The following CSMD3 variants were observed in gnomAD, a reference collection of about 807,000 sequenced individuals.
The protein encoded by CSMD3 is CUB and sushi domain-containing protein 3.
CSMD3 carries 177 observed loss-of-function variants against 435.2 expected under a neutral mutation model. That is an observed-to-expected ratio of 0.41 (90% CI 0.36 to 0.46). The LOEUF (loss-of-function observed/expected upper bound fraction) is 0.46. CSMD3 is among the 20% of genes least tolerant of loss of function. CSMD3 has a pLI of 0.34. For synonymous variants in CSMD3, 1,656 were observed against 1,520.5 expected (o/e 1.09, Z -2.07); for missense variants, 4,265 against 4,504.6 (o/e 0.95, Z 1.52).
At chr8:112,859,384 TA>T (rs1425350572) in intron 10 of CSMD3, 118 bp from the exon 11 acceptor site, 3 of 850,876 alleles carry the variant, frequency 3.5e-6, no homozygotes, top group Non-Finnish European at 5.8e-6. Flanking sequence ...CACATTGAAA[TA>T]TATATTATGG....
At chr8:113,031,531 T>C (rs1300544737) in intron 5 of CSMD3, among the ~76,000 whole-genome samples, 1 of 151,494 alleles carries the variant, frequency 6.6e-6, no homozygotes, top group Admixed American at 6.6e-5. Flanking sequence ...AGGTGGGAAA[T>C]AGCTGTTCCT....
chr8:112,744,756 A>C (rs1035447099), intron 13 of CSMD3, among the ~76,000 whole-genome samples: 18 of 152,178 alleles, frequency 1.2e-4, no homozygotes, highest in Non-Finnish European at 2.5e-4. Flanking sequence ...AAAGTCAGCT[A>C]AACAAGAAAT....
chr8:112,603,633 C>T (rs1371586165), intron 22 of CSMD3, among the ~76,000 whole-genome samples: 1 of 152,048 alleles, frequency 6.6e-6, no homozygotes, highest in African/African-American at 2.4e-5. Flanking sequence ...GATTTGTGGA[C>T]ATTTTATGGT....
At position 112,248,637 on chromosome 8, in the gene CSMD3, C is replaced by T. The variant is rs181423914; in HGVS notation, c.10111-1506G>A. ...TCTGCCTTCCCCTTAATTCCTACCC[C>T]CTCTTGAGCGGACAATAAGAAGCTA... On this transcript the variant is annotated intron_variant, in intron 63 of 70. Transcript: ENST00000297405. Among the ~76,000 whole-genome samples the T allele has an allele frequency of 3.0e-4, 45 of 152,178 alleles. No homozygotes were observed. In the South Asian group the frequency reaches 5.6e-3, roughly 19 times the overall value.
intron 1 of CSMD3, among the ~76,000 whole-genome samples, chr8:113,317,511 G>GA (rs2093919185): frequency 6.6e-6 from 1 of 152,106 alleles, no homozygotes; most frequent in Non-Finnish European, 1.5e-5. Context: ...GACAAATTAG[G>GA]AATTACACCT....
At chr8:112,893,794 T>C (rs2081870516) in intron 10 of CSMD3, among the ~76,000 whole-genome samples, 1 of 151,492 alleles carries the variant, frequency 6.6e-6, no homozygotes, top group Non-Finnish European at 1.5e-5. Context: ...CTGATGGTAA[T>C]TATTGCTTTC....
intron 8 of CSMD3, among the ~76,000 whole-genome samples, chr8:112,948,300 G>A (rs1183860885): frequency 1.3e-5 from 2 of 151,958 alleles, no homozygotes; most frequent in East Asian, 1.9e-4. Flanking sequence ...TAAAAAATAC[G>A]ACTTTATGAA....
At chr8:112,622,631 T>TTTAAGTTCA (rs1834164999) in intron 22 of CSMD3, among the ~76,000 whole-genome samples, 3 of 152,136 alleles carry the variant, frequency 2.0e-5, no homozygotes, top group Admixed American at 1.3e-4. Flanking sequence ...AAAGAATGAA[T>TTTAAGTTCA]TTAAGTTCAT....
chr8:113,401,636 G>A lies in CSMD3; in HGVS notation c.178+35041C>T, dbSNP rs562674107. Among the ~76,000 whole-genome samples the A allele has an allele frequency of 2.6e-4, 40 of 151,594 alleles. 3 individuals are homozygous for A. In the South Asian group the frequency reaches 7.9e-3, roughly 30 times the overall value. The stretch of plus-strand genomic sequence containing the variant: ...AGATATTTACTTTTATGCTTCCAAA[G>A]TTCTAGTAAAATAAAATTTTTAGAT... On this transcript the variant is annotated intron_variant, in intron 1 of 70. Coordinates refer to ENST00000297405, the MANE Select transcript of CSMD3 (RefSeq NM_198123.2).
intron 11 of CSMD3, among the ~76,000 whole-genome samples, chr8:112,838,570 C>T (rs1283027378): frequency 6.6e-6 from 1 of 151,390 alleles, no homozygotes; most frequent in Non-Finnish European, 1.5e-5. Context: ...TTTTTTTTCC[C>T]TTTTTTTCCA....
At chr8:113,075,885 T>C (rs2089315083) in intron 5 of CSMD3, among the ~76,000 whole-genome samples, 1 of 151,808 alleles carries the variant, frequency 6.6e-6, no homozygotes, top group Admixed American at 6.6e-5. Flanking sequence ...AAAAATATTC[T>C]ATTGGCAACA....
At chr8:112,405,242 T>TACAC (rs1392039323) in intron 35 of CSMD3, among the ~76,000 whole-genome samples, 1 of 95,054 alleles carries the variant, frequency 1.1e-5, no homozygotes, top group African/African-American at 4.8e-5. Context: ...TATATATATA[T>TACAC]ATATACATAT....
intron 27 of CSMD3, among the ~76,000 whole-genome samples, chr8:112,542,237 C>T (rs1472079873): frequency 6.7e-6 from 1 of 149,132 alleles, no homozygotes; most frequent in Non-Finnish European, 1.5e-5. Context: ...ACTTTTCCTC[C>T]AAGATCAGGA....
At chr8:113,080,712 T>C (rs2089528594) in intron 5 of CSMD3, among the ~76,000 whole-genome samples, 1 of 152,194 alleles carries the variant, frequency 6.6e-6, no homozygotes, top group African/African-American at 2.4e-5. Context: ...GAAGGCTTAT[T>C]TCCCTAGGTG....
intron 2 of CSMD3, among the ~76,000 whole-genome samples, chr8:113,297,850 A>T (rs973635197): frequency 1.3e-5 from 2 of 152,126 alleles, no homozygotes; most frequent in African/African-American, 4.8e-5. Flanking sequence ...TTTATGTAAC[A>T]TGCACCTGAC....
chr8:113,101,133 G>A (rs952708011), intron 4 of CSMD3, among the ~76,000 whole-genome samples: 9 of 152,100 alleles, frequency 5.9e-5, no homozygotes, highest in African/African-American at 1.7e-4. Context: ...TTCACTCATA[G>A]GCCCTTTCAT....
chr8:113,048,832 A>G (rs1247476716), intron 5 of CSMD3, among the ~76,000 whole-genome samples: 2 of 152,138 alleles, frequency 1.3e-5, no homozygotes. Flanking sequence ...TGAATAAGCA[A>G]ACTCAGTTAC....
At chr8:112,579,799 C>T (rs1830212785) in intron 23 of CSMD3, among the ~76,000 whole-genome samples, 9 of 151,888 alleles carry the variant, frequency 5.9e-5, no homozygotes, top group Admixed American at 5.9e-4. Flanking sequence ...TAATCAAGTC[C>T]TTTGAGTATC....
intron 2 of CSMD3, among the ~76,000 whole-genome samples, chr8:113,302,183 T>C (rs923375487): frequency 2.1e-5 from 3 of 144,992 alleles, no homozygotes; most frequent in Admixed American, 7.1e-5. Context: ...GAAACAGATA[T>C]CAATACTTTT....
Sources: gnomAD v4.1 joint callset for allele counts (sites outside exome capture counted in the v4.1 genomes callset) on GRCh38, gnomAD v4.1.1 for gene constraint, MANE v1.5 for transcripts, NCBI Gene and HGNC (gene_info 2026-07-23, HGNC 2026-07-21) for gene names.